Variants in OPN5 observed in about 807,000 individuals in gnomAD.
OPN5 encodes the protein opsin-5.
A neutral mutation model predicts 41.7 loss-of-function variants in OPN5; 18 were observed. The ratio of observed to expected loss-of-function variants is 0.43; its 90% confidence interval spans 0.30 to 0.64. The LOEUF (loss-of-function observed/expected upper bound fraction) is 0.64. Ranked by LOEUF, OPN5 falls within the 30% of genes least tolerant of loss-of-function variation. The pLI is 0.13. For missense variants in OPN5, 318 were observed against 434.5 expected (o/e 0.73, Z 2.38); for synonymous variants, 178 against 164.3 (o/e 1.08, Z -0.64).
chr6:47,801,905 A>C (rs1360529678), intron 4 of OPN5, among the ~76,000 whole-genome samples: 1 of 152,004 alleles, frequency 6.6e-6, no homozygotes, highest in African/African-American at 2.4e-5. Flanking sequence ...GGAAGGAAGG[A>C]TTACTTCAGA....
chr6:47,804,233 C>T (rs1170115621), intron 4 of OPN5, among the ~76,000 whole-genome samples: 1 of 152,028 alleles, frequency 6.6e-6, no homozygotes, highest in African/African-American at 2.4e-5. Context: ...TTTCCGCCCA[C>T]AAAAATTGTC....
intron 4 of OPN5, among the ~76,000 whole-genome samples, chr6:47,799,227 C>A (rs1322674507): frequency 6.6e-6 from 1 of 150,810 alleles, no homozygotes; most frequent in Non-Finnish European, 1.5e-5. Flanking sequence ...TACACACACA[C>A]ACACATGATA....
chr6:47,808,381 T>G, exon 5 of OPN5: 3 of 1,614,098 alleles, frequency 1.9e-6, no homozygotes, highest in Non-Finnish European at 2.5e-6. Context: ...AGAAGAAGTC[T>G]CTGGAAGGCT....
intron 5 of OPN5, among the ~76,000 whole-genome samples, 199 bp downstream of exon 5, chr6:47,808,594 T>C (rs1049879362): frequency 6.6e-6 from 1 of 152,194 alleles, no homozygotes; most frequent in African/African-American, 2.4e-5. Flanking sequence ...CATGGATAGA[T>C]AGTGAGAAGT....
chr6:47,811,189 C>T (rs955343862), intron 5 of OPN5, among the ~76,000 whole-genome samples: 4 of 152,198 alleles, frequency 2.6e-5, no homozygotes, highest in South Asian at 2.1e-4. Context: ...GGGGTTCGAA[C>T]ATTTGATTGG....
chr6:47,798,775 A>G (rs758318722), intron 4 of OPN5, among the ~76,000 whole-genome samples: 6 of 152,090 alleles, frequency 3.9e-5, no homozygotes, highest in South Asian at 2.1e-4. Context: ...CTACTACTCA[A>G]TTTTGACCTT....
chr6:47,823,193 A>C (rs1213346230), intron 6 of OPN5, among the ~76,000 whole-genome samples: 2 of 152,246 alleles, frequency 1.3e-5, no homozygotes, highest in African/African-American at 4.8e-5. Context: ...ATACTTAAAC[A>C]GAAAAGGCAG....
chr6:47,799,452 T>G (rs1183025206), intron 4 of OPN5, among the ~76,000 whole-genome samples: 2 of 152,192 alleles, frequency 1.3e-5, no homozygotes, highest in Non-Finnish European at 2.9e-5. Flanking sequence ...TTGGGGACTC[T>G]TGGTCTGGGT....
intron 4 of OPN5, among the ~76,000 whole-genome samples, chr6:47,797,021 C>G (rs1053362008): frequency 6.6e-6 from 1 of 152,160 alleles, no homozygotes; most frequent in Non-Finnish European, 1.5e-5. Context: ...ACCATCAGAT[C>G]TTGTGAGACT....
chr6:47,813,926 G>A (rs1022293044), intron 6 of OPN5, among the ~76,000 whole-genome samples: 2 of 151,878 alleles, frequency 1.3e-5, no homozygotes, highest in Non-Finnish European at 2.9e-5. Context: ...GGGGGAGAGA[G>A]TGAATTATAT....
At chr6:47,783,407 T>C (rs1036585620) in intron 1 of OPN5, among the ~76,000 whole-genome samples, 1 of 152,106 alleles carries the variant, frequency 6.6e-6, no homozygotes, top group African/African-American at 2.4e-5. Flanking sequence ...CCTTTCTCTC[T>C]TTTTCTCCCT....
At chr6:47,788,181 T>C (rs957308658) in intron 2 of OPN5, among the ~76,000 whole-genome samples, 4 of 152,164 alleles carry the variant, frequency 2.6e-5, no homozygotes, top group Non-Finnish European at 5.9e-5. Flanking sequence ...CCCCAGGGGA[T>C]TTGTGAGGCT....
chr6:47,791,275 TA>T lies in OPN5; in HGVS notation c.251-523del, dbSNP rs1268567588. On this transcript the variant is annotated intron_variant, in intron 2 of 6. Coordinates refer to ENST00000371211, the Ensembl canonical transcript of OPN5. ...CAGTAGATGCCAAAAAAGCATTTAA[TA>T]AAACTTAACATCTATTTCTGGTAAA... Among the ~76,000 whole-genome samples the T allele has an allele frequency of 2.1e-5, 3 of 140,438 alleles. No individual in the cohort carries two copies. In the East Asian group the frequency reaches 6.4e-4, roughly 30 times the overall value. 92.1% of individuals were successfully genotyped at this position (140,438 alleles called of 152,430 possible).
intron 4 of OPN5, among the ~76,000 whole-genome samples, chr6:47,803,026 G>C (rs759232854): frequency 1.3e-5 from 2 of 152,012 alleles, no homozygotes; most frequent in Non-Finnish European, 2.9e-5. Flanking sequence ...ACAGATGGAA[G>C]GTACACCAAA....
chr6:47,815,449 G>T (rs1195144755), intron 6 of OPN5, among the ~76,000 whole-genome samples: 1 of 152,106 alleles, frequency 6.6e-6, no homozygotes, highest in Non-Finnish European at 1.5e-5. Flanking sequence ...GTAGGCTGTT[G>T]CAGGGATCAA....
chr6:47,811,664 C>CT lies in OPN5; in HGVS notation c.999-9dup, dbSNP rs1304977583. ...GATATTAAATTGCATTTTTCTTCTCCTATATCTAGGCTGCACACCGTAACC... is the reference window on the plus strand; with the variant it reads ...GATATTAAATTGCATTTTTCTTCTCCTTATATCTAGGCTGCACACCGTAACC... On this transcript the variant is annotated splice_polypyrimidine_tract_variant and intron_variant, in intron 5 of 6. Transcript: ENST00000371211. The CT allele has an allele frequency of 2.5e-6, 4 of 1,605,368 alleles. No homozygotes were observed. The highest frequency in any genetic ancestry group is 2.2e-5 in the South Asian group (2 of 90,772).
chr6:47,787,191 T>C (rs1773218878), intron 2 of OPN5: 2 of 981,406 alleles, frequency 2.0e-6, no homozygotes, highest in South Asian at 9.4e-5. Context: ...GGTCCTCAAA[T>C]GCAACTCACA....
intron 6 of OPN5, among the ~76,000 whole-genome samples, chr6:47,821,257 C>G (rs1048401633): frequency 6.6e-5 from 10 of 152,152 alleles, no homozygotes; most frequent in African/African-American, 1.9e-4. Flanking sequence ...CTGTGTTGTT[C>G]AAGGGTCAAC....
At chr6:47,806,555 TC>T (rs1448062227) in intron 4 of OPN5, among the ~76,000 whole-genome samples, 1 of 152,190 alleles carries the variant, frequency 6.6e-6, no homozygotes. Context: ...CAATGATCTT[TC>T]TACCTTCTAT....
Sources: allele counts gnomAD v4.1 joint callset (sites outside exome capture counted in the v4.1 genomes callset), GRCh38; gene constraint gnomAD v4.1.1; transcripts MANE v1.5; gene names NCBI Gene and HGNC (gene_info 2026-07-23, HGNC 2026-07-21).